Variants in TLE3 observed in about 807,000 individuals in gnomAD.
The protein encoded by TLE3 is TLE family member 3, transcriptional corepressor, also known as transducin-like enhancer protein 3.
A neutral mutation model predicts 93.0 loss-of-function variants in TLE3; 14 were observed. That is an observed-to-expected ratio of 0.15 (90% CI 0.10 to 0.24). The LOEUF (loss-of-function observed/expected upper bound fraction) is 0.24, where lower values mean the gene tolerates loss of function less well. TLE3 is among the 10% of genes least tolerant of loss of function. The probability of loss-of-function intolerance (pLI) is 1.00; values close to 1 mark genes in which losing one functional copy is unlikely to be tolerated. For missense variants in TLE3, 693 were observed against 1,046.6 expected, an observed-to-expected ratio of 0.66 and a Z score of 4.66; for synonymous variants, 451 against 425.0, an observed-to-expected ratio of 1.06 and a Z score of -0.75.
At chr15:70,080,006 T>C (rs2057683070) in intron 4 of TLE3, among the ~76,000 whole-genome samples, 1 of 150,994 alleles carries the variant, frequency 6.6e-6, no homozygotes, top group Non-Finnish European at 1.5e-5. Flanking sequence ...TTAGAACAGC[T>C]GTTAAAACAG....
At chr15:70,056,578 G>A (rs1253084807) in intron 13 of TLE3, among the ~76,000 whole-genome samples, 1 of 152,278 alleles carries the variant, frequency 6.6e-6, no homozygotes, top group East Asian at 1.9e-4. Flanking sequence ...TGACAGTGCA[G>A]ACCCCACTGT....
intron 4 of TLE3, among the ~76,000 whole-genome samples, chr15:70,087,156 C>T (rs2058074110): frequency 6.6e-6 from 1 of 152,150 alleles, no homozygotes; most frequent in Non-Finnish European, 1.5e-5. Context: ...CAGTATGGGC[C>T]AGGCACTGCT....
intron 4 of TLE3, among the ~76,000 whole-genome samples, chr15:70,081,047 G>A (rs539244360): frequency 6.6e-6 from 1 of 152,312 alleles, no homozygotes; most frequent in African/African-American, 2.4e-5. Flanking sequence ...ATAAAGGCAA[G>A]GAGAAGAGAA....
At chr15:70,064,373 G>T in intron 8 of TLE3, 81 bp downstream of exon 8, 1 of 1,563,442 alleles carries the variant, frequency 6.4e-7, no homozygotes, top group Non-Finnish European at 8.8e-7. Context: ...CTGGTCTCAG[G>T]CCCGCGATTC....
chr15:70,061,618 C>A (rs1159665398), intron 8 of TLE3, among the ~76,000 whole-genome samples: 3 of 152,174 alleles, frequency 2.0e-5, no homozygotes, highest in Non-Finnish European at 2.9e-5. Context: ...TGCCAGCAAA[C>A]CTCTGTGCCC....
At chr15:70,068,478 C>G (rs1368591191) in intron 6 of TLE3, among the ~76,000 whole-genome samples, 1 of 152,142 alleles carries the variant, frequency 6.6e-6, no homozygotes, top group Non-Finnish European at 1.5e-5. Context: ...TTGGTAGGCC[C>G]GTTAATTCTG....
intron 4 of TLE3, among the ~76,000 whole-genome samples, chr15:70,077,323 G>T (rs1048006378): frequency 2.0e-5 from 3 of 152,176 alleles, no homozygotes; most frequent in African/African-American, 7.2e-5. Flanking sequence ...TCTGAATCCT[G>T]AGCCCGCCAG....
chr15:70,057,277 G>A (rs1053271558), intron 13 of TLE3, among the ~76,000 whole-genome samples, 182 bp downstream of exon 13: 4 of 152,192 alleles, frequency 2.6e-5, no homozygotes, highest in African/African-American at 7.2e-5. Context: ...CAGGTCTGCT[G>A]GCCCCAAAGA....
At chr15:70,083,476 C>G (rs2057885926) in intron 4 of TLE3, among the ~76,000 whole-genome samples, 2 of 151,598 alleles carry the variant, frequency 1.3e-5, no homozygotes, top group Admixed American at 1.3e-4. Flanking sequence ...CAGATTATAC[C>G]TTCCCCCAAC....
At chr15:70,096,411 C>G (rs910587598) in intron 1 of TLE3, 150 bp from the exon 2 acceptor site, 15 of 1,373,760 alleles carry the variant, frequency 1.1e-5, no homozygotes, top group African/African-American at 1.5e-5. Context: ...TCCGACGGGG[C>G]GGAGGGGGGG....
rs58306996 is a variant in TLE3 at position 70,068,571 on chromosome 15, A to G, written c.373-2353T>C. Among the ~76,000 whole-genome samples the G allele has an allele frequency of 4.3e-3, 656 of 152,372 alleles. 7 individuals carry two copies. Among genetic ancestry groups the G allele is most frequent in the African/African-American group, 0.015 (636 of 41,586 alleles). On this transcript the variant is annotated intron_variant, in intron 6 of 19. Coordinates refer to ENST00000451782, the MANE Select transcript of TLE3 (RefSeq NM_001105192.3). ...ATCCACATTTTATAGTGCAGAGCCA[A>G]TAAGATCCCTTGAGGAAGAGACAAA... is the stretch of plus-strand genomic sequence containing the variant.
In TLE3 at chr15:70,095,283, T is replaced by G. The variant is rs762038801; in HGVS notation, c.189+295A>C. 3 of 1,314,540 alleles carry G rather than the reference T, an allele frequency of 2.3e-6. No homozygotes were observed. In the African/African-American group the frequency reaches 4.6e-5, roughly 20 times the overall value. 81.4% of individuals were successfully genotyped at this position (1,314,540 alleles called of 1,614,324 possible). ...ACTAGCCAAGATAGGGCAATGGCAA[T>G]CAGCCCCTGGGAAACTTTCAAAACA... On this transcript the variant is annotated intron_variant, in intron 3 of 19. Transcript: ENST00000451782.
chr15:70,085,709 C>A (rs759836842), intron 4 of TLE3, among the ~76,000 whole-genome samples: 1 of 152,226 alleles, frequency 6.6e-6, no homozygotes, highest in Non-Finnish European at 1.5e-5. Context: ...AGCAGCAGGA[C>A]CCTGCAGGAG....
chr15:70,070,709 G>A (rs531539901), intron 6 of TLE3, among the ~76,000 whole-genome samples: 1 of 152,244 alleles, frequency 6.6e-6, no homozygotes, highest in African/African-American at 2.4e-5. Flanking sequence ...TCAGCAACCA[G>A]AGCCCAGACT....
chr15:70,050,818 A>AT (rs1486462273), intron 19 of TLE3: 4 of 157,382 alleles, frequency 2.5e-5, no homozygotes, highest in Admixed American at 6.0e-5. Context: ...GCGTGAGTAA[A>AT]TGAGTGTGAG....
intron 8 of TLE3, among the ~76,000 whole-genome samples, chr15:70,063,204 G>A (rs1438548309): frequency 6.6e-6 from 1 of 152,192 alleles, no homozygotes; most frequent in East Asian, 1.9e-4. Context: ...GAGGCCAAGA[G>A]AACTACACAG....
intron 3 of TLE3, 37 bp downstream of exon 3, chr15:70,095,541 G>A (rs541282300): frequency 2.5e-5 from 38 of 1,547,426 alleles, no homozygotes; most frequent in Non-Finnish European, 3.2e-5. Context: ...CGGGGTCGGC[G>A]CCCCAACCGC....
intron 9 of TLE3, among the ~76,000 whole-genome samples, chr15:70,059,859 A>T (rs4777228): frequency 1.3e-5 from 2 of 152,194 alleles, no homozygotes; most frequent in East Asian, 3.9e-4. Context: ...ATTCCCACCC[A>T]TCTGTGTGGG....
chr15:70,061,325 G>C (rs1440670920), intron 8 of TLE3, among the ~76,000 whole-genome samples: 1 of 152,122 alleles, frequency 6.6e-6, no homozygotes, highest in Non-Finnish European at 1.5e-5. Flanking sequence ...GCAAGGGCAG[G>C]GACAGTCACT....
Sources: allele counts gnomAD v4.1 joint callset (sites outside exome capture counted in the v4.1 genomes callset), GRCh38; gene constraint gnomAD v4.1.1; transcripts MANE v1.5; gene names NCBI Gene and HGNC (gene_info 2026-07-23, HGNC 2026-07-21).